FCRL6: variants seen among roughly 807,000 people sequenced by gnomAD.
FCRL6 encodes Fc receptor-like protein 6.
Under a neutral mutation model 49.1 loss-of-function variants are expected in FCRL6, and 50 were observed. The observed-to-expected ratio is 1.02, with a 90% CI of 0.81 to 1.29. FCRL6 has a LOEUF of 1.29. FCRL6 is among the 50% of genes most tolerant of loss of function. The probability of loss-of-function intolerance (pLI) is 0.00; values close to 1 mark genes in which losing one functional copy is unlikely to be tolerated. For synonymous variants in FCRL6, 213 were observed against 199.6 expected (o/e 1.07, Z -0.57); for missense variants, 571 against 518.5 (o/e 1.10, Z -0.98).
At chr1:159,802,350 C>T (rs78003015), upstream of FCRL6, 30 of 1,588,992 alleles carry the variant, frequency 1.9e-5, no homozygotes, top group East Asian at 5.9e-4. Context: ...GGTCCTGAGG[C>T]CTGGTTGCTC....
chr1:159,802,493 T>A, intron 1 of FCRL6, 38 bp downstream of exon 1: 1 of 1,567,846 alleles, frequency 6.4e-7, no homozygotes, highest in Non-Finnish European at 8.8e-7. Context: ...CTTGGAGCAC[T>A]AAGGACCGTA....
chr1:159,809,674 T>C lies in FCRL6; in HGVS notation c.877T>C (p.Ser293Pro), dbSNP rs115855950. The C allele has an allele frequency of 8.3e-3, 13,452 of 1,613,720 alleles. 886 individuals carry two copies. The African/African-American group carries it at 0.15, about 18-fold the overall frequency. The change falls in exon 5 of 10, where the codon TCT becomes CCT. Residue 293 changes from serine (S) to proline (P), a missense_variant. Physicochemically the swap from Ser to Pro is moderately conservative, Grantham distance 74. Coordinates refer to ENST00000368106, the MANE Select transcript of FCRL6 (RefSeq NM_001004310.3). The part of the protein sequence containing the change: ...SRERSEPKKL[S>P]LKGSQVLFTP... Reference sequence around the variant, plus strand: ...AGAGAGGAGTGAGCCCAAGAAGCTGTCTCTGAAGGGTGTGTTTTGTTCTCC... The same window carrying C: ...AGAGAGGAGTGAGCCCAAGAAGCTGCCTCTGAAGGGTGTGTTTTGTTCTCC...
chr1:159,811,367 G>C (rs1663079383), intron 6 of FCRL6, among the ~76,000 whole-genome samples: 1 of 152,184 alleles, frequency 6.6e-6, no homozygotes, highest in Non-Finnish European at 1.5e-5. Flanking sequence ...TGCTTGTCTA[G>C]GACAAAAGTG....
chr1:159,814,166 G>A, intron 7 of FCRL6, 55 bp from the exon 8 acceptor site: 1 of 1,512,598 alleles, frequency 6.6e-7, no homozygotes, highest in Non-Finnish European at 9.2e-7. Context: ...GGACACTTAT[G>A]ACATGAGGTG....
upstream of FCRL6, chr1:159,800,595 T>C (rs1206199233): frequency 4.5e-6 from 7 of 1,550,362 alleles, no homozygotes; most frequent in Non-Finnish European, 6.1e-6. Flanking sequence ...GGAAAATATA[T>C]GAATGTTGCC....
At chr1:159,814,886 A>G (rs533940945) in intron 8 of FCRL6, among the ~76,000 whole-genome samples, 1 of 152,288 alleles carries the variant, frequency 6.6e-6, no homozygotes, top group African/African-American at 2.4e-5. Flanking sequence ...ACCTGACTCT[A>G]TGTACTTATT....
chr1:159,816,054 T>C lies in FCRL6; in HGVS notation c.*393T>C, dbSNP rs1211174946. On this transcript the variant is annotated 3_prime_UTR_variant, in exon 10 of 10. Coordinates refer to ENST00000368106, the MANE Select transcript of FCRL6 (RefSeq NM_001004310.3). The stretch of plus-strand genomic sequence containing the variant: ...ACACAACAGTGGTCCCATAAGACTG[T>C]AATGGAGTTTAAAAATTCCTACTGC... 5.3e-6 allele frequency: 1 copy of C among 189,906 alleles called. No homozygotes were observed. Among genetic ancestry groups the C allele is most frequent in the Non-Finnish European group, 1.1e-5 (1 of 88,594 alleles). 11.8% of individuals were successfully genotyped at this position (189,906 alleles called of 1,614,324 possible). A position where few individuals can be genotyped will look rare whatever the true frequency, so the allele number is the denominator to read the frequency against.
chr1:159,800,562 T>G, upstream of FCRL6: 3 of 1,546,994 alleles, frequency 1.9e-6, no homozygotes, highest in Non-Finnish European at 2.6e-6. Context: ...ACTCAGGAGA[T>G]CTGTTGGAAA....
Position 159,806,453 on chromosome 1 carries a change from C to T in FCRL6, c.32-143C>T, listed in dbSNP as rs12094789. The T allele has an allele frequency of 0.014, 10,408 of 760,934 alleles. 685 individuals are homozygous for T. The African/African-American group carries it at 0.15, about 11-fold the overall frequency. 47.1% of individuals were successfully genotyped at this position (760,934 alleles called of 1,614,324 possible). ...GTTATGTGGTTGGATGGTTGGATGG[C>T]TGTGTGGATGGGTGGCTAGGAGGTT... On this transcript the variant is annotated intron_variant, in intron 1 of 9. Coordinates refer to ENST00000368106, the MANE Select transcript of FCRL6 (RefSeq NM_001004310.3).
intron 3 of FCRL6, chr1:159,808,738 G>T: frequency 1.6e-6 from 1 of 606,612 alleles, no homozygotes; most frequent in Non-Finnish European, 2.9e-6. Context: ...GACTTCGAAG[G>T]CCCCCTCTGC....
rs749199087 is a variant in FCRL6 at position 159,815,535 on chromosome 1, G to A, written c.1180-1G>A. On this transcript the variant is annotated splice_acceptor_variant, in intron 9 of 9. Coordinates refer to ENST00000368106, the MANE Select transcript of FCRL6 (RefSeq NM_001004310.3). LOFTEE classifies it high-confidence loss of function. ...CTCATCCTGAGCCAACTCTTCCACA[G>A]GACAGTTCTATCATCTGTGCGGAGG... 2.5e-6 allele frequency: 4 copies of A among 1,614,202 alleles called. No homozygotes were observed. Among genetic ancestry groups the A allele is most frequent in the Non-Finnish European group, 3.4e-6 (4 of 1,180,036 alleles).
At chr1:159,814,517 T>C (rs1256998067) in intron 8 of FCRL6, among the ~76,000 whole-genome samples, 1 of 151,956 alleles carries the variant, frequency 6.6e-6, no homozygotes, top group Non-Finnish European at 1.5e-5. Context: ...CCACCACCTA[T>C]CTCCTCCACT....
Position 159,808,457 on chromosome 1 carries a change from C to T in FCRL6, c.319+13C>T. On this transcript the variant is annotated intron_variant, in intron 3 of 9. Transcript: ENST00000368106. ...GTTCAAGTCCAAGGTGAGTCACCAG[C>T]TTGGGAGTTTGTGGGGCAGGAGGTG... The T allele has an allele frequency of 6.2e-7, 1 of 1,614,128 alleles. No individual in the cohort carries two copies. Among genetic ancestry groups the T allele is most frequent in the Non-Finnish European group, 8.5e-7 (1 of 1,179,988 alleles).
chr1:159,804,743 A>G (rs1434933681), intron 1 of FCRL6, among the ~76,000 whole-genome samples: 1 of 152,200 alleles, frequency 6.6e-6, no homozygotes. Context: ...ATGCTTCCTG[A>G]GTGCCTTCTG....
chr1:159,805,387 A>G (rs1473041962), intron 1 of FCRL6, among the ~76,000 whole-genome samples: 2 of 152,122 alleles, frequency 1.3e-5, no homozygotes, highest in African/African-American at 2.4e-5. Context: ...GTTATGTAAA[A>G]TACCTAGGAC....
chr1:159,808,206 C>T lies in FCRL6; in HGVS notation c.81C>T (p.Asn27=), dbSNP rs570234860. ...GGCTGTACCTCCAAGCCTGGCCAAA[C>T]CCTGTGTTTGAAGGAGATGCCCTGA... ...TVWLYLQAWP[N]PVFEGDALTL... The change falls in exon 3 of 10, where the codon AAC becomes AAT. Residue 27 remains asparagine, a synonymous_variant. Transcript: ENST00000368106. 2.5e-6 allele frequency: 4 copies of T among 1,613,442 alleles called. No homozygotes were observed. The highest frequency in any genetic ancestry group is 2.2e-5 in the South Asian group (2 of 91,056).
chr1:159,815,842 C>A lies in FCRL6; in HGVS notation c.*181C>A. On this transcript the variant is annotated 3_prime_UTR_variant, in exon 10 of 10. Coordinates refer to ENST00000368106, the MANE Select transcript of FCRL6 (RefSeq NM_001004310.3). Reference sequence around the variant, plus strand: ...CCTGGGTTCTTTTCTTAGCAGAAGACCAACCAATGGAATGGGAAGGGAGAT... The same window carrying A: ...CCTGGGTTCTTTTCTTAGCAGAAGAACAACCAATGGAATGGGAAGGGAGAT... 1 of 638,820 alleles carries A rather than the reference C, an allele frequency of 1.6e-6. No homozygotes were observed. Among genetic ancestry groups the A allele is most frequent in the Non-Finnish European group, 2.6e-6 (1 of 377,928 alleles). The allele number at this position is 638,820 out of a possible 1,614,324, so 39.6% of individuals were successfully genotyped here.
Position 159,815,415 on chromosome 1 carries a change from T to G in FCRL6, c.1148-13T>G, listed in dbSNP as rs779338240. 1 of 1,613,334 alleles carries G rather than the reference T, an allele frequency of 6.2e-7. No homozygotes were observed. Among genetic ancestry groups the G allele is most frequent in the African/African-American group, 1.3e-5 (1 of 74,916 alleles). ...GCACAGAGACCTGACCTGAGCTCAT[T>G]CTTTCCCCACAGCCAGGTCTGCTGA... On this transcript the variant is annotated splice_polypyrimidine_tract_variant and intron_variant, in intron 8 of 9. Transcript: ENST00000368106.
intron 2 of FCRL6, among the ~76,000 whole-genome samples, chr1:159,807,641 A>C (rs1662782170): frequency 6.6e-6 from 1 of 152,216 alleles, no homozygotes; most frequent in Non-Finnish European, 1.5e-5. Context: ...GAGAGAACTC[A>C]GGCTGTGGCA....
Sources: gnomAD v4.1 joint callset for allele counts (sites outside exome capture counted in the v4.1 genomes callset) on GRCh38, gnomAD v4.1.1 for gene constraint, MANE v1.5 for transcripts, NCBI Gene and HGNC (gene_info 2026-07-23, HGNC 2026-07-21) for gene names.